Variants in NKAIN3 observed in about 807,000 individuals in gnomAD.
The protein encoded by NKAIN3 is sodium/potassium-transporting ATPase subunit beta-1-interacting protein 3.
NKAIN3 carries 25 observed loss-of-function variants against 30.2 expected under a neutral mutation model. That is an observed-to-expected ratio of 0.83 (90% CI 0.60 to 1.16). NKAIN3 has a LOEUF of 1.16. Among genes scored for constraint, NKAIN3 ranks in the 50% most tolerant of loss-of-function variants. The pLI, the probability that NKAIN3 is intolerant of heterozygous loss-of-function variation, is 0.00. For missense variants in NKAIN3, 225 were observed against 254.1 expected, an observed-to-expected ratio of 0.89 and a Z score of 0.78; for synonymous variants, 91 against 89.6, an observed-to-expected ratio of 1.02 and a Z score of -0.09.
At chr8:62,779,453 GT>G (rs915890627) in intron 4 of NKAIN3, among the ~76,000 whole-genome samples, 26 of 152,040 alleles carry the variant, frequency 1.7e-4, no homozygotes, top group African/African-American at 6.3e-4. Flanking sequence ...TGTCAGCTGA[GT>G]TTTTTCCAGT....
At chr8:62,258,063 C>T (rs1812315227) in intron 1 of NKAIN3, among the ~76,000 whole-genome samples, 1 of 151,958 alleles carries the variant, frequency 6.6e-6, no homozygotes, top group Non-Finnish European at 1.5e-5. Flanking sequence ...ACCTTTCTCT[C>T]ACAAATTGTA....
chr8:62,772,705 G>A lies in NKAIN3; in HGVS notation c.471+25576G>A, dbSNP rs1192371045. ...GAGATGGAGTCTTACTCCATCATCA[G>A]GCTGGAGTGCAGTGGCACGATCTCA... On this transcript the variant is annotated intron_variant, in intron 4 of 6. Transcript: ENST00000623646. Among the ~76,000 whole-genome samples, 3 of 147,952 alleles carry A rather than the reference G, an allele frequency of 2.0e-5. 1 individual carries two copies. The Admixed American group carries it at 2.0e-4, about 10-fold the overall frequency.
chr8:62,526,344 A>G (rs1453552686), intron 1 of NKAIN3, among the ~76,000 whole-genome samples: 4 of 152,116 alleles, frequency 2.6e-5, no homozygotes, highest in Non-Finnish European at 5.9e-5. Flanking sequence ...TAACTTAGAA[A>G]TCTCCCAAAA....
intron 1 of NKAIN3, among the ~76,000 whole-genome samples, chr8:62,373,026 G>T (rs984397331): frequency 2.0e-5 from 3 of 152,024 alleles, no homozygotes; most frequent in African/African-American, 7.2e-5. Context: ...TATTTCCTTT[G>T]ACTCAGGATG....
intron 3 of NKAIN3, among the ~76,000 whole-genome samples, chr8:62,736,337 T>G (rs562222183): frequency 2.0e-5 from 3 of 152,172 alleles, no homozygotes; most frequent in Non-Finnish European, 4.4e-5. Flanking sequence ...CAAACTCTCC[T>G]TGGGCAAGTC....
intron 1 of NKAIN3, among the ~76,000 whole-genome samples, chr8:62,530,814 A>G (rs896463278): frequency 6.6e-6 from 1 of 151,730 alleles, no homozygotes; most frequent in Non-Finnish European, 1.5e-5. Flanking sequence ...AATTTTTTGT[A>G]TTTTTAGTAG....
At chr8:62,389,687 G>A (rs1033729679) in intron 1 of NKAIN3, among the ~76,000 whole-genome samples, 3 of 152,174 alleles carry the variant, frequency 2.0e-5, no homozygotes, top group South Asian at 2.1e-4. Context: ...TGGGTATGAA[G>A]GATGGATGAT....
chr8:62,419,336 A>C (rs985545969), intron 1 of NKAIN3, among the ~76,000 whole-genome samples: 3 of 152,162 alleles, frequency 2.0e-5, no homozygotes, highest in Admixed American at 6.5e-5. Flanking sequence ...CAGTGAAGCA[A>C]TGCTATGTGC....
chr8:62,919,080 C>T (rs529978104), intron 5 of NKAIN3, among the ~76,000 whole-genome samples: 7 of 151,362 alleles, frequency 4.6e-5, no homozygotes, highest in South Asian at 4.2e-4. Flanking sequence ...AAAGGAAAAA[C>T]ATTTATTAAT....
chr8:62,423,773 C>A (rs756587985), intron 1 of NKAIN3, among the ~76,000 whole-genome samples: 13 of 152,078 alleles, frequency 8.5e-5, no homozygotes, highest in Middle Eastern at 3.4e-3. Context: ...CCAACTAATA[C>A]CTTTTTTATT....
At chr8:62,333,371 G>A (rs1815419833) in intron 1 of NKAIN3, among the ~76,000 whole-genome samples, 1 of 152,078 alleles carries the variant, frequency 6.6e-6, no homozygotes, top group South Asian at 2.1e-4. Context: ...TATAGTGCAT[G>A]TCCCATCGGC....
chr8:62,805,873 A>G (rs1390706890), intron 4 of NKAIN3, among the ~76,000 whole-genome samples: 1 of 152,136 alleles, frequency 6.6e-6, no homozygotes, highest in Non-Finnish European at 1.5e-5. Context: ...GCAACCTACA[A>G]AATGGGAGAA....
At chr8:62,996,525 G>T (rs1804118068) in intron 5 of NKAIN3, among the ~76,000 whole-genome samples, 1 of 152,062 alleles carries the variant, frequency 6.6e-6, no homozygotes, top group South Asian at 2.1e-4. Flanking sequence ...AACCAATCAT[G>T]CCTTCCCAAC....
rs757432875 is a variant in NKAIN3 at position 62,589,725 on chromosome 8, G to T, written c.204G>T (p.Trp68Cys). 1.3e-6 allele frequency: 2 copies of T among 1,587,828 alleles called. No homozygotes were observed. Among genetic ancestry groups the T allele is most frequent in the South Asian group, 1.1e-5 (1 of 89,856 alleles). ...RPRYIMVYTV[W>C]TALWVTWNVF... Reference sequence around the variant, plus strand: ...CCATTTCTATCTAGTATACAGTGTGGACTGCCCTCTGGGTCACCTGGAATG... The same window carrying T: ...CCATTTCTATCTAGTATACAGTGTGTACTGCCCTCTGGGTCACCTGGAATG... The change falls in exon 3 of 7, where the codon TGG (tryptophan) becomes TGT (cysteine). Residue 68 changes from tryptophan to cysteine, a missense_variant. Trp to Cys is a radical substitution (Grantham distance 215). Coordinates refer to ENST00000623646, the MANE Select transcript of NKAIN3 (RefSeq NM_001304533.3).
intron 4 of NKAIN3, among the ~76,000 whole-genome samples, chr8:62,817,403 T>C (rs1429750673): frequency 2.0e-5 from 3 of 152,144 alleles, no homozygotes; most frequent in Admixed American, 2.0e-4. Flanking sequence ...TTGTTTCGAG[T>C]GGGAAGTTTT....
chr8:62,293,676 C>T (rs111959103), intron 1 of NKAIN3, among the ~76,000 whole-genome samples: 4,146 of 152,276 alleles, frequency 0.027, 174 homozygotes, highest in African/African-American at 0.092. Flanking sequence ...TTAGGCTACT[C>T]GGGGGTCAGG....
At chr8:62,851,805 C>T (rs1371048829) in intron 4 of NKAIN3, among the ~76,000 whole-genome samples, 1 of 152,168 alleles carries the variant, frequency 6.6e-6, no homozygotes. Flanking sequence ...AAGGATGAAG[C>T]CCACTTGATC....
chr8:62,327,204 T>A (rs1563935138), intron 1 of NKAIN3, among the ~76,000 whole-genome samples: 1 of 152,022 alleles, frequency 6.6e-6, no homozygotes, highest in Non-Finnish European at 1.5e-5. Context: ...TCTCTACATA[T>A]TTTGGGTATT....
intron 1 of NKAIN3, among the ~76,000 whole-genome samples, chr8:62,364,620 A>T (rs1002061749): frequency 3.4e-4 from 51 of 152,010 alleles, no homozygotes; most frequent in Middle Eastern, 6.8e-3. Flanking sequence ...ATGCGGGTGG[A>T]TCACAAGGTC....
Sources: allele counts gnomAD v4.1 joint callset (sites outside exome capture counted in the v4.1 genomes callset), GRCh38; gene constraint gnomAD v4.1.1; transcripts MANE v1.5; gene names NCBI Gene and HGNC (gene_info 2026-07-23, HGNC 2026-07-21).